The following ATG10 variants were observed in gnomAD, a reference collection of about 807,000 sequenced individuals.
ATG10 encodes the protein ubiquitin-like-conjugating enzyme ATG10.
In ATG10, 30 loss-of-function variants were observed where a neutral mutation model predicts 32.1. The ratio of observed to expected loss-of-function variants is 0.94; its 90% CI spans 0.70 to 1.27. The LOEUF (loss-of-function observed/expected upper bound fraction) is 1.27, where lower values mean the gene tolerates loss of function less well. Among genes scored for constraint, ATG10 ranks in the 50% most tolerant of loss-of-function variants. The pLI is 0.00. For missense variants in ATG10, 233 were observed against 262.3 expected (o/e 0.89, Z 0.77); for synonymous variants, 87 against 91.5 (o/e 0.95, Z 0.28).
intron 5 of ATG10, among the ~76,000 whole-genome samples, chr5:82,202,939 T>TA (rs1745126034): frequency 6.6e-6 from 1 of 151,774 alleles, no homozygotes; most frequent in Non-Finnish European, 1.5e-5. Context: ...ACAAAAGAAG[T>TA]AATGGGGGGC....
At chr5:82,161,853 T>C (rs1384513359) in intron 3 of ATG10, among the ~76,000 whole-genome samples, 1 of 152,120 alleles carries the variant, frequency 6.6e-6, no homozygotes, top group African/African-American at 2.4e-5. Flanking sequence ...ATCTAAATTT[T>C]AATTTTAAAA....
intron 5 of ATG10, among the ~76,000 whole-genome samples, chr5:82,179,731 A>G (rs1561342985): frequency 6.6e-6 from 1 of 152,158 alleles, no homozygotes. Flanking sequence ...TGTTCAGCTA[A>G]TGAAAGCTTC....
chr5:82,085,283 A>T (rs1764639243), intron 3 of ATG10, among the ~76,000 whole-genome samples: 1 of 151,986 alleles, frequency 6.6e-6, no homozygotes, highest in South Asian at 2.1e-4. Flanking sequence ...AAGAGCTAAC[A>T]CTCCTATATA....
intron 3 of ATG10, among the ~76,000 whole-genome samples, chr5:82,126,856 G>A (rs1766300056): frequency 6.6e-6 from 1 of 152,294 alleles, no homozygotes; most frequent in Non-Finnish European, 1.5e-5. Context: ...AGAAGGAATG[G>A]TACCAGCTCC....
intron 5 of ATG10, among the ~76,000 whole-genome samples, chr5:82,236,357 T>G (rs13358749): frequency 6.6e-6 from 1 of 152,024 alleles, no homozygotes; most frequent in Admixed American, 6.6e-5. Flanking sequence ...TACAACAAAT[T>G]GATAATTGAA....
chr5:82,076,251 A>G (rs1764270578), intron 3 of ATG10, among the ~76,000 whole-genome samples: 1 of 152,206 alleles, frequency 6.6e-6, no homozygotes, highest in African/African-American at 2.4e-5. Flanking sequence ...AGTTTGGAAA[A>G]TACAAGTATT....
intron 2 of ATG10, among the ~76,000 whole-genome samples, chr5:82,049,688 G>A (rs1365564768): frequency 1.3e-5 from 2 of 152,138 alleles, no homozygotes; most frequent in African/African-American, 4.8e-5. Context: ...TGAAGGTATG[G>A]TGTAATTAGG....
At chr5:82,053,733 G>C (rs984597641) in intron 2 of ATG10, among the ~76,000 whole-genome samples, 3 of 152,152 alleles carry the variant, frequency 2.0e-5, no homozygotes, top group Non-Finnish European at 2.9e-5. Flanking sequence ...TACAGTGACA[G>C]AGTGAAGCAT....
rs200538832 is a variant in ATG10 at position 81,987,550 on chromosome 5, G to A, written c.-12-9G>A. 1.9e-5 allele frequency: 29 copies of A among 1,499,892 alleles called. No homozygotes were observed. Among genetic ancestry groups the A allele is most frequent in the South Asian group, 1.5e-4 (13 of 84,638 alleles). The allele number at this position is 1,499,892 out of a possible 1,614,324, so 92.9% of individuals were successfully genotyped here. On this transcript the variant is annotated splice_polypyrimidine_tract_variant and intron_variant, in intron 1 of 7. Transcript: ENST00000282185. ...AAGTTGATGCTAATACTTAGTTTTT[G>A]TATTGCAGTTATCATTTAACATGGA...
In ATG10 at chr5:82,252,571, A is replaced by G. The variant is rs755078207; in HGVS notation, c.463A>G (p.Ile155Val). The change falls in exon 6 of 8, where the codon ATA becomes GTA. Residue 155 changes from isoleucine to valine, a missense_variant. Coordinates refer to ENST00000282185, the MANE Select transcript of ATG10 (RefSeq NM_031482.5). ...ATTCTGATTCTTACAGGAACATCCA[A>G]TACTTGGGCAACCCTTTTTTGTACT... ...WDTITQQEHP[I>V]LGQPFFVLHP... 7.5e-6 allele frequency: 12 copies of G among 1,604,260 alleles called. No homozygotes were observed. The African/African-American group carries it at 1.2e-4, about 16-fold the overall frequency.
intron 3 of ATG10, among the ~76,000 whole-genome samples, chr5:82,142,330 A>G (rs1767185300): frequency 6.6e-6 from 1 of 152,196 alleles, no homozygotes; most frequent in Admixed American, 6.5e-5. Flanking sequence ...CAAGTTTCCT[A>G]AAAAGTATTT....
chr5:82,085,344 G>C (rs1764642422), intron 3 of ATG10, among the ~76,000 whole-genome samples: 2 of 151,998 alleles, frequency 1.3e-5, no homozygotes, highest in African/African-American at 4.8e-5. Flanking sequence ...AGTTCTTAGA[G>C]ACCTACAAAG....
intron 3 of ATG10, chr5:82,147,553 A>C (rs1436420522): frequency 6.6e-6 from 1 of 152,242 alleles, no homozygotes; most frequent in Non-Finnish European, 1.5e-5. Flanking sequence ...TTAGACTCAA[A>C]TTGCAAACTG....
intron 5 of ATG10, among the ~76,000 whole-genome samples, chr5:82,205,282 G>T (rs1311613381): frequency 6.6e-6 from 1 of 152,166 alleles, no homozygotes; most frequent in East Asian, 1.9e-4. Context: ...TGAGGGAGTT[G>T]ACAGAGAATA....
chr5:82,213,288 G>A (rs928391456), intron 5 of ATG10, among the ~76,000 whole-genome samples: 32 of 152,282 alleles, frequency 2.1e-4, no homozygotes, highest in African/African-American at 6.5e-4. Flanking sequence ...TCCAGACTAA[G>A]AGTTGGTTCC....
intron 3 of ATG10, among the ~76,000 whole-genome samples, chr5:82,059,541 T>C (rs1199349673): frequency 6.6e-6 from 1 of 152,120 alleles, no homozygotes; most frequent in Non-Finnish European, 1.5e-5. Flanking sequence ...ATGGCACTCA[T>C]TGAAATAAAA....
At chr5:82,228,155 A>C (rs1455160742) in intron 5 of ATG10, among the ~76,000 whole-genome samples, 1 of 151,772 alleles carries the variant, frequency 6.6e-6, no homozygotes, top group Non-Finnish European at 1.5e-5. Flanking sequence ...TGCAGTAAGG[A>C]GCCATGACTG....
intron 3 of ATG10, among the ~76,000 whole-genome samples, chr5:82,067,553 T>A (rs1283092286): frequency 6.6e-6 from 1 of 152,142 alleles, no homozygotes; most frequent in Non-Finnish European, 1.5e-5. Context: ...CTGCTGAATC[T>A]TCTTTTTACT....
chr5:82,247,190 G>A (rs980839902), intron 5 of ATG10, among the ~76,000 whole-genome samples: 2 of 152,102 alleles, frequency 1.3e-5, no homozygotes, highest in Non-Finnish European at 2.9e-5. Context: ...TTTCATCAAA[G>A]TTTGAAATTT....
Sources: allele counts gnomAD v4.1 joint callset (sites outside exome capture counted in the v4.1 genomes callset), GRCh38; gene constraint gnomAD v4.1.1; transcripts MANE v1.5; gene names NCBI Gene and HGNC (gene_info 2026-07-23, HGNC 2026-07-21).